The following SCRG1 variants were observed in gnomAD, a reference collection of about 807,000 sequenced individuals.
SCRG1 encodes scrapie-responsive protein 1.
SCRG1 carries 3 observed loss-of-function variants against 7.7 expected under a neutral mutation model. That is an observed-to-expected ratio of 0.39 (90% CI 0.18 to 1.01). The LOEUF is 1.01. Ranked by LOEUF, SCRG1 falls within the 50% of genes least tolerant of loss-of-function variation. The pLI is 0.36. For missense variants in SCRG1, 110 were observed against 117.2 expected, an observed-to-expected ratio of 0.94 and a Z score of 0.28; for synonymous variants, 46 against 41.2, an observed-to-expected ratio of 1.12 and a Z score of -0.44.
chr4:173,515,564 G>A, the SCRG1 span, among the ~76,000 whole-genome samples: 3 of 147,208 alleles, frequency 2.0e-5, no homozygotes, highest in Non-Finnish European at 3.0e-5. This position sits in a 1 kb window ranked among gnomAD's most constrained non-coding sequence, Gnocchi z 4.6. Flanking sequence ...GATGAGAGAG[G>A]GAAAGAGGTG....
At chr4:173,452,526 C>A in the SCRG1 span, among the ~76,000 whole-genome samples, 8 of 152,148 alleles carry the variant, frequency 5.3e-5, no homozygotes, top group African/African-American at 1.9e-4. Flanking sequence ...AATCAGCATT[C>A]TTTTTACAAA....
the SCRG1 span, among the ~76,000 whole-genome samples, chr4:173,462,977 G>C: frequency 6.6e-6 from 1 of 152,034 alleles, no homozygotes; most frequent in Non-Finnish European, 1.5e-5. Context: ...TAAAAAGCAA[G>C]AAACTAAATC....
intron 1 of SCRG1, chr4:173,398,131 T>C (rs1739655934): frequency 6.6e-6 from 1 of 152,172 alleles, no homozygotes; most frequent in Non-Finnish European, 1.5e-5. Context: ...GAAAATGTTT[T>C]TGTTAGAATG....
At chr4:173,440,861 C>G in the SCRG1 span, among the ~76,000 whole-genome samples, 1 of 152,332 alleles carries the variant, frequency 6.6e-6, no homozygotes, top group South Asian at 2.1e-4. Context: ...ACTCCAATCT[C>G]TACCTTCATC....
the SCRG1 span, among the ~76,000 whole-genome samples, chr4:173,484,632 T>C: frequency 1.0e-5 from 1 of 96,796 alleles, no homozygotes; most frequent in Non-Finnish European, 1.8e-5. Context: ...GTAATATATA[T>C]TATATGCATA....
At chr4:173,459,596 G>A in the SCRG1 span, among the ~76,000 whole-genome samples, 1 of 152,168 alleles carries the variant, frequency 6.6e-6, no homozygotes, top group Non-Finnish European at 1.5e-5. Context: ...CCGAATTTAT[G>A]AGTTACAGCT....
At chr4:173,509,979 C>G in the SCRG1 span, among the ~76,000 whole-genome samples, 1 of 152,196 alleles carries the variant, frequency 6.6e-6, no homozygotes, top group Non-Finnish European at 1.5e-5. The surrounding 1 kb of genome is among the most constrained non-coding windows in gnomAD (Gnocchi z 5.7). Context: ...TTTAAAAATT[C>G]ATATGCGGGC....
the SCRG1 span, among the ~76,000 whole-genome samples, chr4:173,485,014 AT>A: frequency 3.3e-5 from 1 of 30,464 alleles, no homozygotes; most frequent in Non-Finnish European, 5.6e-5. Flanking sequence ...AATATAATAT[AT>A]AATATATAAT....
At chr4:173,408,404 C>T (rs1204152393), upstream of SCRG1, among the ~76,000 whole-genome samples, 1 of 152,100 alleles carries the variant, frequency 6.6e-6, no homozygotes, top group African/African-American at 2.4e-5. Flanking sequence ...TTGTTACTAC[C>T]TTACAGAATT....
At chr4:173,436,075 T>C in the SCRG1 span, among the ~76,000 whole-genome samples, 1 of 141,516 alleles carries the variant, frequency 7.1e-6, no homozygotes, top group South Asian at 2.5e-4. Context: ...ACAAAATTAA[T>C]TATTTCAATT....
At chr4:173,477,822 G>A in the SCRG1 span, among the ~76,000 whole-genome samples, 1 of 149,820 alleles carries the variant, frequency 6.7e-6, no homozygotes. Flanking sequence ...AGGATGAAGA[G>A]CAGTGGCATA....
the SCRG1 span, among the ~76,000 whole-genome samples, chr4:173,451,662 ATTTATTTATTTATTTATTTATTT>A: frequency 9.6e-5 from 14 of 145,126 alleles, no homozygotes; most frequent in Middle Eastern, 3.3e-3. Flanking sequence ...TTATTTATTT[ATTTATTTATTTATTTATTTATTT>A]TGAGACAGAG....
chr4:173,396,283 A>G (rs1485935356), intron 1 of SCRG1, among the ~76,000 whole-genome samples: 1 of 152,230 alleles, frequency 6.6e-6, no homozygotes, highest in Non-Finnish European at 1.5e-5. Context: ...ATGTGAGTCT[A>G]AAGATCAGGG....
chr4:173,501,909 C>A, the SCRG1 span, among the ~76,000 whole-genome samples: 1 of 152,162 alleles, frequency 6.6e-6, no homozygotes, highest in Non-Finnish European at 1.5e-5. The surrounding 1 kb of genome is among the most constrained non-coding windows in gnomAD (Gnocchi z 5.1). Flanking sequence ...TTCTACCAAC[C>A]AGGATCTATT....
the SCRG1 span, among the ~76,000 whole-genome samples, chr4:173,430,806 C>CAAAA: frequency 5.1e-5 from 3 of 59,098 alleles, no homozygotes; most frequent in Non-Finnish European, 5.8e-5. Context: ...GACCCTGTCT[C>CAAAA]AAAAAAAAAA....
the SCRG1 span, among the ~76,000 whole-genome samples, chr4:173,514,617 G>A: frequency 6.6e-6 from 1 of 152,100 alleles, no homozygotes; most frequent in African/African-American, 2.4e-5. Context: ...AACTAAGCAG[G>A]GTGTGGAACA....
the SCRG1 span, among the ~76,000 whole-genome samples, chr4:173,497,741 GCTCACTGCAACCTCAGT>G: frequency 6.8e-6 from 1 of 147,230 alleles, no homozygotes; most frequent in Non-Finnish European, 1.5e-5. Flanking sequence ...CACTGTGTCA[GCTCACTGCAACCTCAGT>G]CTTCTGGGTT....
the SCRG1 span, among the ~76,000 whole-genome samples, chr4:173,438,041 G>A: frequency 1.3e-5 from 2 of 152,142 alleles, no homozygotes; most frequent in Non-Finnish European, 1.5e-5. Flanking sequence ...AATTGTGGTT[G>A]TGTAGCTTCA....
At chr4:173,406,325 T>TCTAGTACCTTTA (rs1739905167) in exon 1 of SCRG1, 1 of 152,256 alleles carries the variant, frequency 6.6e-6, no homozygotes, top group African/African-American at 2.4e-5. Flanking sequence ...ACCTTTAGTT[T>TCTAGTACCTTTA]GACAGACTCT....
Sources: allele counts gnomAD v4.1 joint callset (sites outside exome capture counted in the v4.1 genomes callset), GRCh38; gene constraint gnomAD v4.1.1; non-coding constraint Gnocchi (gnomAD v3.1); transcripts MANE v1.5; gene names NCBI Gene and HGNC (gene_info 2026-07-23, HGNC 2026-07-21).